The following RBFOX2 variants were observed in gnomAD, a reference collection of about 807,000 sequenced individuals.
The protein encoded by RBFOX2 is RNA binding protein fox-1 homolog 2.
RBFOX2 carries 10 observed loss-of-function variants against 49.1 expected under a neutral mutation model. The observed-to-expected ratio is 0.20, with a 90% CI of 0.13 to 0.35. The LOEUF is 0.35. RBFOX2 is among the 10% of genes least tolerant of loss of function. The pLI is 1.00. For synonymous variants in RBFOX2, 183 were observed against 187.4 expected, an observed-to-expected ratio of 0.98 and a Z score of 0.19; for missense variants, 323 against 486.9, an observed-to-expected ratio of 0.66 and a Z score of 3.17.
At chr22:35,934,311 A>C (rs1256392013) in intron 1 of RBFOX2, among the ~76,000 whole-genome samples, 1 of 152,170 alleles carries the variant, frequency 6.6e-6, no homozygotes, top group Non-Finnish European at 1.5e-5. Context: ...TATTTGTTTA[A>C]ATTAAAAATG....
At chr22:36,010,736 CACA>C (rs2058789312) in intron 1 of RBFOX2, among the ~76,000 whole-genome samples, 8 of 48,058 alleles carry the variant, frequency 1.7e-4, no homozygotes, top group African/African-American at 9.5e-4. Context: ...GTTCAGTACA[CACA>C]CACACACACA....
chr22:35,751,504 T>C (rs1220396663), intron 9 of RBFOX2, among the ~76,000 whole-genome samples: 1 of 152,190 alleles, frequency 6.6e-6, no homozygotes, highest in African/African-American at 2.4e-5. Context: ...GGTTTAATGC[T>C]GGGCCTCCAG....
chr22:35,861,655 G>A lies in RBFOX2; in HGVS notation c.-33-51651C>T, dbSNP rs570419934. 5.9e-4 allele frequency among the ~76,000 whole-genome samples: 90 copies of A among 152,286 alleles called. 1 individual carries two copies. The highest frequency in any genetic ancestry group is 6.8e-3 in the Middle Eastern group (2 of 294). ...CAATACCAAGCTTTGGCAAGGCTATGGAGGAACCGAAAGTCTCATATGCTG... is the reference window on the plus strand; with the variant it reads ...CAATACCAAGCTTTGGCAAGGCTATAGAGGAACCGAAAGTCTCATATGCTG... On this transcript the variant is annotated intron_variant, in intron 1 of 13. Transcript: ENST00000359369.
intron 1 of RBFOX2, among the ~76,000 whole-genome samples, chr22:35,925,656 T>TC (rs2149625983): frequency 6.6e-6 from 1 of 152,314 alleles, no homozygotes; most frequent in South Asian, 2.1e-4. Flanking sequence ...TATTTAAACA[T>TC]GGGACATGGG....
chr22:35,760,146 G>A, intron 8 of RBFOX2, 126 bp from the exon 10 acceptor site: 1 of 1,269,154 alleles, frequency 7.9e-7, no homozygotes, highest in South Asian at 1.3e-5. Context: ...TTTTGGAAAA[G>A]GTGGCATGCA....
At chr22:35,937,598 G>A (rs12483967) in intron 1 of RBFOX2, among the ~76,000 whole-genome samples, 4,801 of 152,150 alleles carry the variant, frequency 0.032, 105 homozygotes, top group Admixed American at 0.055. Flanking sequence ...TTTGTTTTAT[G>A]TTTTGTTTTT....
intron 1 of RBFOX2, among the ~76,000 whole-genome samples, chr22:35,830,305 A>G (rs1041685148): frequency 6.6e-6 from 1 of 152,236 alleles, no homozygotes; most frequent in African/African-American, 2.4e-5. Context: ...CGAACAATGC[A>G]TACAGAATGT....
intron 1 of RBFOX2, among the ~76,000 whole-genome samples, chr22:35,876,156 T>A (rs1019273221): frequency 7.9e-5 from 12 of 152,224 alleles, no homozygotes; most frequent in Admixed American, 2.6e-4. Flanking sequence ...GCTAAATATG[T>A]ACTAGAAAAA....
At chr22:36,008,890 T>C (rs1007006640) in intron 1 of RBFOX2, among the ~76,000 whole-genome samples, 2 of 152,090 alleles carry the variant, frequency 1.3e-5, no homozygotes, top group African/African-American at 2.4e-5. Context: ...AAGTAAAATA[T>C]ACAATCTATC....
rs188901540 is a variant in RBFOX2 at position 35,973,858 on chromosome 22, G to C, written c.187-34961C>G. Among the ~76,000 whole-genome samples, 12 of 152,300 alleles carry C rather than the reference G, an allele frequency of 7.9e-5. No individual in the cohort carries two copies. In the East Asian group the frequency reaches 2.1e-3, roughly 27 times the overall value. ...TTCCTTGGCCACGGCATAGGGGACC[G>C]ACCACCTTGTGGGCAGGCTCCCTAA... On this transcript the variant is annotated intron_variant, in intron 1 of 13. Coordinates refer to the RBFOX2 transcript ENST00000438146.
At chr22:35,881,244 A>G (rs977119372) in intron 1 of RBFOX2, among the ~76,000 whole-genome samples, 1 of 150,902 alleles carries the variant, frequency 6.6e-6, no homozygotes, top group Admixed American at 6.6e-5. Flanking sequence ...CAGCTTGGCA[A>G]CAGAGTGAGA....
At chr22:35,762,734 A>T (rs1026994111) in intron 6 of RBFOX2, among the ~76,000 whole-genome samples, 1 of 151,650 alleles carries the variant, frequency 6.6e-6, no homozygotes, top group Non-Finnish European at 1.5e-5. Context: ...TGAACTCCTA[A>T]CCTCAGGTGA....
intron 1 of RBFOX2, among the ~76,000 whole-genome samples, chr22:35,877,129 T>G (rs2045225159): frequency 6.6e-6 from 1 of 152,192 alleles, no homozygotes; most frequent in Admixed American, 6.6e-5. Flanking sequence ...CTGATACAAA[T>G]GTAATTCTAG....
intron 1 of RBFOX2, chr22:35,821,911 G>A (rs770186911): frequency 1.2e-5 from 6 of 519,010 alleles, no homozygotes; most frequent in Non-Finnish European, 1.9e-5. Flanking sequence ...AGCAGGAAAT[G>A]GGAGGAAACC....
intron 1 of RBFOX2, among the ~76,000 whole-genome samples, chr22:36,004,175 C>T (rs1228952672): frequency 6.6e-6 from 1 of 152,102 alleles, no homozygotes; most frequent in African/African-American, 2.4e-5. Context: ...GACTTTCTCC[C>T]AATTTGCCCA....
At chr22:35,809,504 T>A (rs963373629) in intron 2 of RBFOX2, among the ~76,000 whole-genome samples, 1 of 152,062 alleles carries the variant, frequency 6.6e-6, no homozygotes, top group Admixed American at 6.6e-5. Flanking sequence ...GACCTACATA[T>A]GGAGTACTGC....
chr22:36,003,956 T>C lies in RBFOX2; in HGVS notation c.186+24284A>G, dbSNP rs148563490. Among the ~76,000 whole-genome samples the C allele has an allele frequency of 3.1e-3, 479 of 152,352 alleles. 4 individuals are homozygous for C. The highest frequency in any genetic ancestry group is 5.1e-3 in the Non-Finnish European group (350 of 68,034). On this transcript the variant is annotated intron_variant, in intron 1 of 13. Transcript: ENST00000438146. ...ACATTTTGGGCCAGATAATTCTTCA[T>C]TGTGGGAGACTCTCTTGTGCACTTT... is the stretch of plus-strand genomic sequence containing the variant.
intron 2 of RBFOX2, among the ~76,000 whole-genome samples, chr22:35,784,368 G>A (rs1009720555): frequency 3.9e-5 from 6 of 152,176 alleles, no homozygotes; most frequent in Non-Finnish European, 5.9e-5. Flanking sequence ...AGGTTCCCAC[G>A]GAGAGGCACA....
At chr22:35,787,592 T>A (rs1946676068) in intron 2 of RBFOX2, among the ~76,000 whole-genome samples, 1 of 152,204 alleles carries the variant, frequency 6.6e-6, no homozygotes, top group African/African-American at 2.4e-5. Flanking sequence ...TCACTTTAAA[T>A]TTATCCCAAT....
Sources: allele counts gnomAD v4.1 joint callset (sites outside exome capture counted in the v4.1 genomes callset), GRCh38; gene constraint gnomAD v4.1.1; transcripts MANE v1.5; gene names NCBI Gene and HGNC (gene_info 2026-07-23, HGNC 2026-07-21).